BIRC6: variants seen among roughly 807,000 people sequenced by gnomAD.
The protein encoded by BIRC6 is dual E2 ubiquitin-conjugating enzyme/E3 ubiquitin-protein ligase BIRC6.
BIRC6 carries 98 observed loss-of-function variants against 503.3 expected under a neutral mutation model. That is an observed-to-expected ratio of 0.19 (90% confidence interval 0.17 to 0.23). The LOEUF (loss-of-function observed/expected upper bound fraction) is 0.23, where lower values mean the gene tolerates loss of function less well. Among genes scored for constraint, BIRC6 ranks in the 10% least tolerant of loss-of-function variants. The pLI, the probability that BIRC6 is intolerant of heterozygous loss-of-function variation, is 1.00. For synonymous variants in BIRC6, 2,240 were observed against 2,078.7 expected, an observed-to-expected ratio of 1.08 and a Z score of -2.11; for missense variants, 5,360 against 5,806.0, an observed-to-expected ratio of 0.92 and a Z score of 2.50.
chr2:32,606,648 G>C (rs1216319241), intron 71 of BIRC6, among the ~76,000 whole-genome samples: 1 of 152,002 alleles, frequency 6.6e-6, no homozygotes, highest in Non-Finnish European at 1.5e-5. Flanking sequence ...GCAGTTAATT[G>C]TCCTTGGAAT....
chr2:32,526,104 C>G (rs1452265465), intron 59 of BIRC6, among the ~76,000 whole-genome samples: 1 of 152,150 alleles, frequency 6.6e-6, no homozygotes, highest in Non-Finnish European at 1.5e-5. Flanking sequence ...AATTCAGTAT[C>G]TGATACTTTT....
chr2:32,590,842 G>A (rs751617155), intron 66 of BIRC6: 50 of 985,752 alleles, frequency 5.1e-5, no homozygotes, highest in Non-Finnish European at 1.1e-5. Flanking sequence ...TATGCACAAA[G>A]CAGCGGATAC....
intron 14 of BIRC6, 51 bp from the exon 15 acceptor site, chr2:32,436,002 T>C: frequency 8.9e-7 from 1 of 1,129,750 alleles, no homozygotes; most frequent in South Asian, 2.5e-5. Context: ...TATTAAATAT[T>C]ACATTTTAAA....
intron 5 of BIRC6, 42 bp downstream of exon 5, chr2:32,392,192 T>G: frequency 7.6e-7 from 1 of 1,318,874 alleles, no homozygotes; most frequent in Non-Finnish European, 1.0e-6. Flanking sequence ...CAGTAGGCCT[T>G]TGTAGCCCTC....
At chr2:32,531,870 G>C (rs1032390791) in intron 61 of BIRC6, among the ~76,000 whole-genome samples, 2 of 152,130 alleles carry the variant, frequency 1.3e-5, no homozygotes, top group Non-Finnish European at 2.9e-5. Context: ...GATATTATTG[G>C]AAATAGGAGA....
intron 57 of BIRC6, among the ~76,000 whole-genome samples, chr2:32,521,643 ATTTT>A (rs34394759): frequency 7.1e-6 from 1 of 140,892 alleles, no homozygotes. Flanking sequence ...TAATTTTTGT[ATTTT>A]TTTTTTTTTT....
intron 43 of BIRC6, among the ~76,000 whole-genome samples, chr2:32,490,710 A>G (rs1284443644): frequency 6.6e-6 from 1 of 152,162 alleles, no homozygotes; most frequent in Non-Finnish European, 1.5e-5. Flanking sequence ...TTAGAGTACA[A>G]AGGCAGGTTT....
chr2:32,357,049 C>A lies in BIRC6; in HGVS notation c.-113C>A, dbSNP rs946680668. On this transcript the variant is annotated 5_prime_UTR_variant, in exon 1 of 74. Transcript: ENST00000421745. The surrounding 1 kb of genome is among the most constrained non-coding windows in gnomAD (Gnocchi z 4.9). The stretch of plus-strand genomic sequence containing the variant: ...TCCCTCCCTGCTTCTCCCCCTCTCC[C>A]GTCAGCCTCCCTCCGAGTTTGGCCC... 4.2e-6 allele frequency: 4 copies of A among 946,054 alleles called. No individual in the cohort carries two copies. The highest frequency in any genetic ancestry group is 5.9e-6 in the Non-Finnish European group (4 of 679,404). 58.6% of individuals were successfully genotyped at this position (946,054 alleles called of 1,614,324 possible). A position where few individuals can be genotyped will look rare whatever the true frequency, so the allele number is the denominator to read the frequency against.
At chr2:32,552,624 A>G (rs1559038146) in intron 65 of BIRC6, among the ~76,000 whole-genome samples, 1 of 152,178 alleles carries the variant, frequency 6.6e-6, no homozygotes, top group Non-Finnish European at 1.5e-5. Context: ...CACCGATCCT[A>G]TTCTCCAGAG....
At chr2:32,457,897 CTTTT>C (rs951912701) in intron 23 of BIRC6, among the ~76,000 whole-genome samples, 18 of 152,110 alleles carry the variant, frequency 1.2e-4, no homozygotes, top group African/African-American at 4.1e-4. Context: ...TTTGTCTATT[CTTTT>C]TTCTTTGCCA....
At chr2:32,366,609 C>T (rs987959348) in intron 1 of BIRC6, among the ~76,000 whole-genome samples, 1 of 152,010 alleles carries the variant, frequency 6.6e-6, no homozygotes, top group African/African-American at 2.4e-5. Flanking sequence ...ACAGTGGGGA[C>T]GCAAGCAGGA....
intron 61 of BIRC6, among the ~76,000 whole-genome samples, chr2:32,535,445 C>T (rs1028505358): frequency 3.0e-4 from 46 of 152,052 alleles, no homozygotes; most frequent in African/African-American, 1.0e-3. Flanking sequence ...TAATGCTATC[C>T]GTCTCCCCTC....
At chr2:32,497,905 A>ATGT (rs934100207) in intron 45 of BIRC6, among the ~76,000 whole-genome samples, 19 of 152,248 alleles carry the variant, frequency 1.2e-4, no homozygotes, top group African/African-American at 3.9e-4. Context: ...CATACATTTA[A>ATGT]TGTAATTATT....
intron 66 of BIRC6, chr2:32,590,994 A>G (rs2061351832): frequency 1.0e-6 from 1 of 985,638 alleles, no homozygotes; most frequent in Non-Finnish European, 1.2e-6. Context: ...GCCTTTTTTC[A>G]TGAGCTGGGC....
intron 1 of BIRC6, among the ~76,000 whole-genome samples, chr2:32,365,735 G>C (rs548483195): frequency 3.3e-5 from 5 of 152,030 alleles, no homozygotes; most frequent in Admixed American, 1.3e-4. Context: ...ATATTTTAAA[G>C]TACAAGAACT....
In BIRC6 at chr2:32,505,103, A is replaced by G. The variant is rs1417952619; in HGVS notation, c.9598A>G (p.Ile3200Val). 2 of 1,611,642 alleles carry G rather than the reference A, an allele frequency of 1.2e-6. No homozygotes were observed. Among genetic ancestry groups the G allele is most frequent in the South Asian group, 2.2e-5 (2 of 90,434 alleles). Residue 3200 changes from isoleucine (I) to valine (V), a missense_variant, in exon 50 of 74, where the codon ATC (isoleucine) becomes GTC (valine). Ile to Val is a conservative substitution (Grantham distance 29). This residue lies in a region of BIRC6 where 267 missense variants were observed against 287.6 expected (regional missense o/e 0.93). Transcript: ENST00000421745. ...AGCTCGCTCTGCTGCTTGGTCCTAC[A>G]TCTTTCTTCCAGAGGAGGCTTGGTG... ...RRARSAAWSY[I>V]FLPEEAWCDL...
chr2:32,493,525 T>A lies in BIRC6; in HGVS notation c.8341-15T>A, dbSNP rs371046871. 20 of 1,590,428 alleles carry A rather than the reference T, an allele frequency of 1.3e-5. No individual in the cohort carries two copies. In the African/African-American group the frequency reaches 2.7e-4, roughly 21 times the overall value. ...ACCAGTAAGCAGTTTTCAGTGAATATACATTTCTCTTTAGGTTGGTCCTAC... is the reference window on the plus strand; with the variant it reads ...ACCAGTAAGCAGTTTTCAGTGAATAAACATTTCTCTTTAGGTTGGTCCTAC... On this transcript the variant is annotated splice_polypyrimidine_tract_variant and intron_variant, in intron 44 of 73. Transcript: ENST00000421745.
At chr2:32,596,815 TTAAC>T (rs1218942957) in intron 68 of BIRC6, among the ~76,000 whole-genome samples, 1 of 152,216 alleles carries the variant, frequency 6.6e-6, no homozygotes, top group Non-Finnish European at 1.5e-5. Context: ...TACAAATTCT[TTAAC>T]TAGTTCTTTC....
chr2:32,457,242 G>A (rs140633272), intron 23 of BIRC6, among the ~76,000 whole-genome samples: 1 of 152,242 alleles, frequency 6.6e-6, no homozygotes, highest in Non-Finnish European at 1.5e-5. Context: ...GCATGTAGTT[G>A]CATTTATTAA....
Sources: allele counts gnomAD v4.1 joint callset (sites outside exome capture counted in the v4.1 genomes callset), GRCh38; gene constraint gnomAD v4.1.1; regional missense constraint gnomAD v4.1.1; non-coding constraint Gnocchi (gnomAD v3.1); transcripts MANE v1.5; gene names NCBI Gene and HGNC (gene_info 2026-07-23, HGNC 2026-07-21).